Variants in CCNY observed in about 807,000 individuals in gnomAD.
CCNY encodes cyclin Y.
CCNY carries 19 observed loss-of-function variants against 42.8 expected under a neutral mutation model. The observed-to-expected ratio is 0.44, with a 90% CI of 0.31 to 0.65. CCNY has a LOEUF of 0.65. Among genes scored for constraint, CCNY ranks in the 30% least tolerant of loss-of-function variants. The pLI is 0.07. For synonymous variants in CCNY, 165 were observed against 162.7 expected (o/e 1.01, Z -0.11); for missense variants, 370 against 437.3 (o/e 0.85, Z 1.37).
At chr10:35,379,463 C>T (rs1345742570) in intron 1 of CCNY, among the ~76,000 whole-genome samples, 2 of 152,212 alleles carry the variant, frequency 1.3e-5, no homozygotes, top group Admixed American at 6.5e-5. Context: ...CAGGAAATGA[C>T]ATCTTTTCTC....
intron 1 of CCNY, among the ~76,000 whole-genome samples, chr10:35,357,787 A>G (rs1836590226): frequency 6.6e-6 from 1 of 152,250 alleles, no homozygotes; most frequent in Admixed American, 6.5e-5. Context: ...AAGTTTTAGT[A>G]TCCATTGACG....
At chr10:35,397,052 C>T (rs1837541829) in intron 1 of CCNY, among the ~76,000 whole-genome samples, 2 of 152,098 alleles carry the variant, frequency 1.3e-5, no homozygotes, top group Admixed American at 6.5e-5. Flanking sequence ...CTCCAGGTGC[C>T]CCTTGGACCC....
At chr10:35,344,974 A>C (rs1005343483) in intron 1 of CCNY, among the ~76,000 whole-genome samples, 6 of 152,198 alleles carry the variant, frequency 3.9e-5, no homozygotes, top group African/African-American at 1.4e-4. Context: ...GCAGTCTATC[A>C]TTGTTGGACA....
chr10:35,417,653 T>C (rs1238069674), intron 1 of CCNY, among the ~76,000 whole-genome samples: 1 of 152,228 alleles, frequency 6.6e-6, no homozygotes, highest in African/African-American at 2.4e-5. Flanking sequence ...GTTTGCCTTT[T>C]GTTATTTCTT....
At chr10:35,502,585 T>C (rs1840132702) in intron 3 of CCNY, among the ~76,000 whole-genome samples, 1 of 152,204 alleles carries the variant, frequency 6.6e-6, no homozygotes, top group Admixed American at 6.5e-5. Flanking sequence ...TTAATATATA[T>C]GCACATATAC....
intron 3 of CCNY, among the ~76,000 whole-genome samples, chr10:35,325,686 C>A (rs1835871796): frequency 6.6e-6 from 1 of 152,100 alleles, no homozygotes; most frequent in South Asian, 2.1e-4. Context: ...TCAGGCTGGT[C>A]TTGAACTCCC....
intron 4 of CCNY, among the ~76,000 whole-genome samples, chr10:35,517,914 G>C (rs965520805): frequency 6.6e-6 from 1 of 152,188 alleles, no homozygotes; most frequent in South Asian, 2.1e-4. Flanking sequence ...ATTAGGACTC[G>C]CGGAGAGAAG....
chr10:35,307,528 A>T (rs1270242534), intron 3 of CCNY, among the ~76,000 whole-genome samples: 1 of 151,942 alleles, frequency 6.6e-6, no homozygotes, highest in Admixed American at 6.6e-5. Flanking sequence ...TTGCCATATG[A>T]CTCTGATTTT....
chr10:35,271,392 T>A (rs1279859255), intron 3 of CCNY, among the ~76,000 whole-genome samples: 1 of 152,042 alleles, frequency 6.6e-6, no homozygotes, highest in Non-Finnish European at 1.5e-5. Flanking sequence ...TCCCACACAC[T>A]CCTTTGAATT....
chr10:35,379,765 G>A (rs1250724503), intron 1 of CCNY, among the ~76,000 whole-genome samples: 3 of 152,166 alleles, frequency 2.0e-5, no homozygotes, highest in Non-Finnish European at 2.9e-5. Context: ...GAATTCTCTC[G>A]TGCTTGCCTT....
chr10:35,409,318 C>G (rs928191836), intron 1 of CCNY, among the ~76,000 whole-genome samples: 1 of 152,176 alleles, frequency 6.6e-6, no homozygotes, highest in Non-Finnish European at 1.5e-5. Flanking sequence ...GCTTAAAAGC[C>G]TTTGCTGCCC....
chr10:35,263,491 T>C (rs2095721936), intron 3 of CCNY, among the ~76,000 whole-genome samples: 1 of 151,188 alleles, frequency 6.6e-6, no homozygotes, highest in East Asian at 1.9e-4. Flanking sequence ...CAGTGAGCTA[T>C]GATGGTGTCA....
At chr10:35,460,691 T>C (rs1361550191) in intron 1 of CCNY, among the ~76,000 whole-genome samples, 2 of 152,268 alleles carry the variant, frequency 1.3e-5, no homozygotes, top group Non-Finnish European at 2.9e-5. Flanking sequence ...TAATGTGTTA[T>C]CTATTCTGTT....
At chr10:35,430,292 C>A (rs933414252) in intron 1 of CCNY, among the ~76,000 whole-genome samples, 7 of 144,912 alleles carry the variant, frequency 4.8e-5, no homozygotes, top group Non-Finnish European at 1.1e-4. Context: ...AGCCGAGATC[C>A]CGCCACTGCA....
At chr10:35,517,496 G>T (rs766496082) in intron 4 of CCNY, among the ~76,000 whole-genome samples, 23 of 152,142 alleles carry the variant, frequency 1.5e-4, no homozygotes, top group Non-Finnish European at 2.6e-4. Flanking sequence ...AGGAGTATTC[G>T]TCCATTTCAG....
intron 3 of CCNY, among the ~76,000 whole-genome samples, chr10:35,510,645 C>G (rs1840306898): frequency 6.6e-6 from 1 of 152,178 alleles, no homozygotes. Flanking sequence ...TTATTCAGTT[C>G]ATGTACGTGC....
At chr10:35,268,163 G>A (rs1043171111) in intron 3 of CCNY, among the ~76,000 whole-genome samples, 3 of 152,028 alleles carry the variant, frequency 2.0e-5, no homozygotes, top group African/African-American at 4.8e-5. Context: ...CCAAAATGCT[G>A]GGATTACAGG....
chr10:35,400,759 A>C (rs1270690364), intron 1 of CCNY, among the ~76,000 whole-genome samples: 2 of 152,102 alleles, frequency 1.3e-5, no homozygotes, highest in Non-Finnish European at 2.9e-5. Flanking sequence ...TTGTAACTTG[A>C]CTTCTCTCTC....
At chr10:35,331,998 A>C (rs1190395777), upstream of CCNY, among the ~76,000 whole-genome samples, 1 of 152,164 alleles carries the variant, frequency 6.6e-6, no homozygotes, top group African/African-American at 2.4e-5. Context: ...ATACTCTCAA[A>C]AATGTTATCC....
Sources: gnomAD v4.1 joint callset for allele counts (sites outside exome capture counted in the v4.1 genomes callset) on GRCh38, gnomAD v4.1.1 for gene constraint, MANE v1.5 for transcripts, NCBI Gene and HGNC (gene_info 2026-07-23, HGNC 2026-07-21) for gene names.